CDH13: variants seen among roughly 807,000 people sequenced by gnomAD.
CDH13 encodes cadherin-13.
CDH13 carries 24 observed loss-of-function variants against 63.8 expected under a neutral mutation model. The observed-to-expected ratio is 0.38, with a 90% CI of 0.27 to 0.53. CDH13 has a LOEUF of 0.53. Ranked by LOEUF, CDH13 falls within the 20% of genes least tolerant of loss-of-function variation. CDH13 has a pLI of 0.85. For synonymous variants in CDH13, 503 were observed against 355.3 expected (o/e 1.42, Z -4.67); for missense variants, 1,049 against 903.1 (o/e 1.16, Z -2.07).
At chr16:83,016,971 G>A (rs1914869585) in intron 2 of CDH13, among the ~76,000 whole-genome samples, 2 of 152,188 alleles carry the variant, frequency 1.3e-5, no homozygotes, top group Non-Finnish European at 1.5e-5. Flanking sequence ...TGGGATGTGT[G>A]ATGACTTCGT....
chr16:83,147,073 G>T (rs13332437), intron 4 of CDH13, among the ~76,000 whole-genome samples: 6,094 of 152,116 alleles, frequency 0.04, 271 homozygotes, highest in African/African-American at 0.095. Context: ...GGGCAACAGA[G>T]TGAGACTCCA....
chr16:82,778,570 G>GAAAAAA lies in CDH13; in HGVS notation c.46-79774_46-79769dup, dbSNP rs11350020. ...GGAATGGCCTTTGGAATCACGACCA[G>GAAAAAA]AAAAAAAAAAAAAAAAAAAAAAAGG... On this transcript the variant is annotated intron_variant, in intron 1 of 13. Transcript: ENST00000567109. 2.6e-4 allele frequency among the ~76,000 whole-genome samples: 22 copies of GAAAAAA among 85,764 alleles called. 1 individual carries two copies. Among genetic ancestry groups the GAAAAAA allele is most frequent in the South Asian group, 1.4e-3 (3 of 2,110 alleles). 56.3% of individuals were successfully genotyped at this position (85,764 alleles called of 152,430 possible).
intron 2 of CDH13, among the ~76,000 whole-genome samples, chr16:82,868,372 A>T (rs1259542965): frequency 6.6e-6 from 1 of 152,224 alleles, no homozygotes; most frequent in Non-Finnish European, 1.5e-5. Context: ...GTAGTAAGTC[A>T]ATTAATAATG....
At chr16:82,648,778 C>T (rs933515949) in intron 1 of CDH13, among the ~76,000 whole-genome samples, 1 of 151,968 alleles carries the variant, frequency 6.6e-6, no homozygotes, top group African/African-American at 2.4e-5. Context: ...AAAAAACCTT[C>T]TAAAAAATAG....
chr16:82,761,970 A>G (rs1237713957), intron 1 of CDH13, among the ~76,000 whole-genome samples: 1 of 152,244 alleles, frequency 6.6e-6, no homozygotes, highest in Non-Finnish European at 1.5e-5. Context: ...CATTAAAGGC[A>G]CAAAAGCTAA....
intron 7 of CDH13, among the ~76,000 whole-genome samples, chr16:83,540,417 G>T (rs752669826): frequency 1.3e-4 from 20 of 152,130 alleles, no homozygotes; most frequent in Non-Finnish European, 2.6e-4. Flanking sequence ...ATAAACCTGT[G>T]TTCAGTTAAG....
At chr16:83,052,511 G>A (rs901710639) in intron 3 of CDH13, among the ~76,000 whole-genome samples, 2 of 152,140 alleles carry the variant, frequency 1.3e-5, no homozygotes, top group Admixed American at 6.5e-5. Flanking sequence ...CTGTTGTGGT[G>A]GCTCACGCCT....
At chr16:83,278,870 A>G (rs1396955712) in intron 5 of CDH13, among the ~76,000 whole-genome samples, 1 of 152,220 alleles carries the variant, frequency 6.6e-6, no homozygotes, top group Non-Finnish European at 1.5e-5. Context: ...GGAGAGGGGA[A>G]AGGGCAGGAT....
At chr16:83,783,123 A>C in intron 12 of CDH13, 131 bp from the exon 13 acceptor site, 1 of 664,530 alleles carries the variant, frequency 1.5e-6, no homozygotes, top group Non-Finnish European at 2.7e-6. Context: ...TAATGAATTT[A>C]AATGTAAGCA....
At chr16:83,698,039 A>C (rs954696530) in intron 10 of CDH13, among the ~76,000 whole-genome samples, 4 of 152,200 alleles carry the variant, frequency 2.6e-5, no homozygotes, top group Non-Finnish European at 5.9e-5. Context: ...CCCCACACTA[A>C]ACTGTAAACC....
intron 1 of CDH13, among the ~76,000 whole-genome samples, chr16:82,792,525 C>T (rs1381556158): frequency 1.2e-4 from 18 of 152,122 alleles, no homozygotes; most frequent in Admixed American, 1.1e-3. Context: ...TTTATAAGTT[C>T]TCTCCAAGTC....
chr16:82,790,919 A>C (rs964233897), intron 1 of CDH13, among the ~76,000 whole-genome samples: 1 of 152,216 alleles, frequency 6.6e-6, no homozygotes, highest in Non-Finnish European at 1.5e-5. Context: ...AGACAGGACT[A>C]GCTGGATTTC....
intron 1 of CDH13, among the ~76,000 whole-genome samples, chr16:82,747,256 A>G (rs2034217376): frequency 6.6e-6 from 1 of 152,186 alleles, no homozygotes; most frequent in Non-Finnish European, 1.5e-5. Flanking sequence ...AGAAATTCAT[A>G]ATCTGTAGCC....
intron 1 of CDH13, among the ~76,000 whole-genome samples, chr16:82,689,601 TTGCTGCAA>T (rs1299594894): frequency 6.6e-6 from 1 of 152,138 alleles, no homozygotes; most frequent in Non-Finnish European, 1.5e-5. Context: ...TTCTGGGATG[TTGCTGCAA>T]ATGGCAAATG....
chr16:83,072,312 T>G (rs1158649892), intron 3 of CDH13, among the ~76,000 whole-genome samples: 4 of 152,226 alleles, frequency 2.6e-5, no homozygotes, highest in Non-Finnish European at 5.9e-5. Flanking sequence ...TTAGTTAATC[T>G]GTTGACAATG....
chr16:82,694,354 A>AT (rs949962996), intron 1 of CDH13, among the ~76,000 whole-genome samples: 2 of 152,218 alleles, frequency 1.3e-5, no homozygotes, highest in East Asian at 3.9e-4. Context: ...CCACCCCAAC[A>AT]TTTTTTTATG....
intron 5 of CDH13, among the ~76,000 whole-genome samples, chr16:83,320,284 G>A (rs1000536371): frequency 2.0e-5 from 3 of 151,978 alleles, no homozygotes; most frequent in Non-Finnish European, 1.5e-5. Context: ...GGACTCAAGT[G>A]ATCCTTCCAA....
At chr16:82,648,895 C>T (rs1910410981) in intron 1 of CDH13, among the ~76,000 whole-genome samples, 1 of 152,118 alleles carries the variant, frequency 6.6e-6, no homozygotes, top group South Asian at 2.1e-4. Context: ...AATCAGGAAA[C>T]ACCCAAGGTG....
At position 83,063,657 on chromosome 16, in the gene CDH13, A is replaced by G. The variant is rs116817808; in HGVS notation, c.366+31439A>G. The stretch of plus-strand genomic sequence containing the variant: ...TATCTCTACTAGTTTCCTGTTAATT[A>G]CTCTATGAACAAATTAGCACAAACT... On this transcript the variant is annotated intron_variant, in intron 3 of 13. Transcript: ENST00000567109. Among the ~76,000 whole-genome samples the G allele has an allele frequency of 6.6e-3, 999 of 152,262 alleles. 16 individuals carry two copies. Among genetic ancestry groups the G allele is most frequent in the African/African-American group, 0.021 (890 of 41,536 alleles).
Sources: allele counts gnomAD v4.1 joint callset (sites outside exome capture counted in the v4.1 genomes callset), GRCh38; gene constraint gnomAD v4.1.1; transcripts MANE v1.5; gene names NCBI Gene and HGNC (gene_info 2026-07-23, HGNC 2026-07-21).